The following CORO1B variants were observed in gnomAD, a reference collection of about 807,000 sequenced individuals.
CORO1B encodes the protein coronin 1B.
Under a neutral mutation model 51.1 loss-of-function variants are expected in CORO1B, and 30 were observed. The ratio of observed to expected loss-of-function variants is 0.59; its 90% CI spans 0.44 to 0.80. The LOEUF (loss-of-function observed/expected upper bound fraction) is 0.80. CORO1B is among the 30% of genes least tolerant of loss of function. CORO1B has a pLI of 0.00. For synonymous variants in CORO1B, 310 were observed against 289.7 expected (o/e 1.07, Z -0.71); for missense variants, 648 against 700.4 (o/e 0.93, Z 0.84).
At position 67,440,275 on chromosome 11, in the gene CORO1B, G is replaced by C; in HGVS notation, c.862-12C>G. ...ATGCTGGAGTCACCCTGTGTGGGGA[G>C]GGGGCTCAGCACCTGGGCACGCCTC... On this transcript the variant is annotated splice_polypyrimidine_tract_variant and intron_variant, in intron 7 of 10. Coordinates refer to ENST00000341356, the MANE Select transcript of CORO1B (RefSeq NM_020441.3). 2 of 1,612,980 alleles carry C rather than the reference G, an allele frequency of 1.2e-6. No individual in the cohort carries two copies. Among genetic ancestry groups the C allele is most frequent in the South Asian group, 1.1e-5 (1 of 91,062 alleles).
rs778606005 is a variant in CORO1B, at chr11:67,438,691, C to T, written c.1324G>A (p.Gly442Ser). The change falls in exon 10 of 11, where the codon GGC (glycine) becomes AGC (serine). Residue 442 changes from glycine (G) to serine (S), a missense_variant. Transcript: ENST00000341356. ...TTTAADATPSGSLARAGEAGK... is the reference protein window; with the variant it reads ...TTTAADATPSSSLARAGEAGK... The stretch of plus-strand genomic sequence containing the variant: ...CATACCCCGGCTCTGGCCAGGCTGC[C>T]GCTGGGGGTGGCATCAGCAGCAGTG... 68 of 1,544,200 alleles carry T rather than the reference C, an allele frequency of 4.4e-5. No individual in the cohort carries two copies. Among genetic ancestry groups the T allele is most frequent in the Admixed American group, 7.7e-5 (4 of 51,676 alleles).
chr11:67,436,915 G>A lies in CORO1B; in HGVS notation c.*1461C>T, dbSNP rs934645293. The A allele has an allele frequency of 1.3e-5, 2 of 151,764 alleles. No individual in the cohort carries two copies. The highest frequency in any genetic ancestry group is 2.4e-5 in the African/African-American group (1 of 41,336). The allele number at this position is 151,764 out of a possible 1,614,324, so 9.4% of individuals were successfully genotyped here. A position where few individuals can be genotyped will look rare whatever the true frequency, so the allele number is the denominator to read the frequency against. ...AAGCATGTTAGTAGGTGCTCAATAA[G>A]TATGGATTAAATGTGTCTAGGCTGC... On this transcript the variant is annotated 3_prime_UTR_variant, in exon 11 of 11. Transcript: ENST00000341356.
Position 67,436,570 on chromosome 11 carries a change from A to C in CORO1B, c.*1806T>G. The C allele has an allele frequency of 2.2e-6, 1 of 460,768 alleles. No individual in the cohort carries two copies. The highest frequency in any genetic ancestry group is 3.7e-6 in the Non-Finnish European group (1 of 271,792). 28.5% of individuals were successfully genotyped at this position (460,768 alleles called of 1,614,324 possible). On this transcript the variant is annotated 3_prime_UTR_variant, in exon 11 of 11. Transcript: ENST00000341356. Reference sequence around the variant, plus strand: ...TCCTCCCTACCACTCACCTCCCCCAACAGCTGCATTAAGCCACCTGCCTGG... The same window carrying C: ...TCCTCCCTACCACTCACCTCCCCCACCAGCTGCATTAAGCCACCTGCCTGG...
chr11:67,438,353 GA>G lies in CORO1B; in HGVS notation c.*22del. The G allele has an allele frequency of 6.3e-7, 1 of 1,582,868 alleles. No individual in the cohort carries two copies. ...GTGGGAAGGGGGCGGCGGAGGAGATGAAGGTGGCGTGTGGCTGTGGCCCTAC... is the reference window on the plus strand; with the variant it reads ...GTGGGAAGGGGGCGGCGGAGGAGATGAGGTGGCGTGTGGCTGTGGCCCTAC... On this transcript the variant is annotated 3_prime_UTR_variant, in exon 11 of 11. Transcript: ENST00000341356.
At position 67,436,640 on chromosome 11, in the gene CORO1B, C is replaced by T; in HGVS notation, c.*1736G>A. On this transcript the variant is annotated 3_prime_UTR_variant, in exon 11 of 11. Coordinates refer to ENST00000341356, the MANE Select transcript of CORO1B (RefSeq NM_020441.3). ...CCCTCTGCCCGGAAAGCTCCACCTC[C>T]TCCCATCCTCCCCTCCCCCGGGCTG... 3 of 348,882 alleles carry T rather than the reference C, an allele frequency of 8.6e-6. No homozygotes were observed. The highest frequency in any genetic ancestry group is 2.1e-5 in the African/African-American group (1 of 47,234). The allele number at this position is 348,882 out of a possible 1,614,324, so 21.6% of individuals were successfully genotyped here. A position where few individuals can be genotyped will look rare whatever the true frequency, so the allele number is the denominator to read the frequency against.
chr11:67,441,010 C>A (rs1257426915), intron 6 of CORO1B, 115 bp downstream of exon 6: 2 of 1,517,750 alleles, frequency 1.3e-6, no homozygotes, highest in South Asian at 2.3e-5. Context: ...CCCTGAGAGC[C>A]TCAAGTTCCA....
In CORO1B at chr11:67,442,490, A is replaced by G. The variant is rs752433665; in HGVS notation, c.139T>C (p.Phe47Leu). 3.1e-6 allele frequency: 5 copies of G among 1,613,630 alleles called. No individual in the cohort carries two copies. The South Asian group carries it at 5.5e-5, about 18-fold the overall frequency. Residue 47 changes from phenylalanine to leucine, a missense_variant, in exon 2 of 11, where the codon TTC becomes CTC. By Grantham distance (22) the Phe-to-Leu change is conservative. Coordinates refer to ENST00000341356, the MANE Select transcript of CORO1B (RefSeq NM_020441.3). ...CTGGCCTCCACAATCACCGCCAGGA[A>G]CTTGGGGTTGACGGCGCAGAAGGTG... is the stretch of plus-strand genomic sequence containing the variant. The part of the protein sequence containing the change: ...DSTFCAVNPK[F>L]LAVIVEASGG...
chr11:67,443,010 T>G (rs1259790930), intron 1 of CORO1B, among the ~76,000 whole-genome samples: 1 of 152,030 alleles, frequency 6.6e-6, no homozygotes, highest in Admixed American at 6.5e-5. Context: ...CCCAGAGATT[T>G]GGAGGCTAGG....
chr11:67,436,763 C>T lies in CORO1B; in HGVS notation c.*1613G>A, dbSNP rs760802197. On this transcript the variant is annotated 3_prime_UTR_variant, in exon 11 of 11. Transcript: ENST00000341356. ...TATCACTGCAGCCCACCCCAGCACCCCCCAGCACTCAGTGCCTTTTTCCTT... is the reference window on the plus strand; with the variant it reads ...TATCACTGCAGCCCACCCCAGCACCTCCCAGCACTCAGTGCCTTTTTCCTT... The T allele has an allele frequency of 2.7e-5, 5 of 184,454 alleles. No individual in the cohort carries two copies. Among genetic ancestry groups the T allele is most frequent in the East Asian group, 2.8e-4 (2 of 7,226 alleles). The allele number at this position is 184,454 out of a possible 1,614,324, so 11.4% of individuals were successfully genotyped here.
chr11:67,440,248 G>A lies in CORO1B; in HGVS notation c.877C>T (p.Arg293Trp), dbSNP rs757859517. 11 of 1,613,606 alleles carry A rather than the reference G, an allele frequency of 6.8e-6. No individual in the cohort carries two copies. The highest frequency in any genetic ancestry group is 1.1e-5 in the South Asian group (1 of 91,086). The change falls in exon 8 of 11, where the codon CGG becomes TGG. Residue 293 changes from arginine (R) to tryptophan (W), a missense_variant. Transcript: ENST00000341356. ...YVCGKGDSSIRYFEITEEPPY... is the reference protein window; with the variant it reads ...YVCGKGDSSIWYFEITEEPPY... ...GGCTCCTCTGTGATCTCAAAGTACC[G>A]GATGCTGGAGTCACCCTGTGTGGGG... is the stretch of plus-strand genomic sequence containing the variant.
chr11:67,439,880 A>ACCCCCCCCCCCCCCC, intron 8 of CORO1B, 37 bp from the exon 9 acceptor site: 1 of 1,543,318 alleles, frequency 6.5e-7, no homozygotes, highest in Non-Finnish European at 8.8e-7. Flanking sequence ...TGGAACCCTC[A>ACCCCCCCCCCCCCCC]CCGCCCCCCC....
chr11:67,441,710 A>G, intron 4 of CORO1B, 23 bp downstream of exon 4: 2 of 1,369,304 alleles, frequency 1.5e-6, no homozygotes, highest in Non-Finnish European at 2.0e-6. Context: ...GGGGGGGAGC[A>G]CAAAACGGGG....
rs746785638 is a variant in CORO1B at position 67,441,482 on chromosome 11, C to T, written c.487G>A (p.Gly163Ser). The change falls in exon 5 of 11, where the codon GGC becomes AGC. Residue 163 changes from glycine to serine, a missense_variant. Transcript: ENST00000341356. ...CDNVVLIWNV[G>S]TAEELYRLDS... ...AGGCGGTACAGCTCCTCCGCTGTGCCCACATTCCAGATGAGTACCACGTTG... is the reference window on the plus strand; with the variant it reads ...AGGCGGTACAGCTCCTCCGCTGTGCTCACATTCCAGATGAGTACCACGTTG... 8 of 1,613,594 alleles carry T rather than the reference C, an allele frequency of 5.0e-6. No individual in the cohort carries two copies. Among genetic ancestry groups the T allele is most frequent in the African/African-American group, 2.7e-5 (2 of 74,940 alleles).
rs1286802425 is a variant in CORO1B, at chr11:67,435,927, C to A, written c.*2449G>T. On this transcript the variant is annotated 3_prime_UTR_variant, in exon 11 of 11. Coordinates refer to ENST00000341356, the MANE Select transcript of CORO1B (RefSeq NM_020441.3). The stretch of plus-strand genomic sequence containing the variant: ...CTGGCTTCCTCAGCCCGCACGGGGA[C>A]CTGCTCTGGGCTGGACGCCTCTCCA... 6.2e-7 allele frequency: 1 copy of A among 1,613,220 alleles called. No individual in the cohort carries two copies. Among genetic ancestry groups the A allele is most frequent in the East Asian group, 2.2e-5 (1 of 44,884 alleles).
At chr11:67,441,078 G>C (rs755199025) in intron 6 of CORO1B, 47 bp downstream of exon 6, 1 of 1,612,404 alleles carries the variant, frequency 6.2e-7, no homozygotes, top group Non-Finnish European at 8.5e-7. Context: ...GCCTGGCCCA[G>C]GGTGGGGCCC....
At chr11:67,442,156 G>C in intron 2 of CORO1B, 68 bp from the exon 3 acceptor site, 1 of 1,584,086 alleles carries the variant, frequency 6.3e-7, no homozygotes, top group East Asian at 2.3e-5. Flanking sequence ...CCTCCATGGA[G>C]TGGGAATGAC....
chr11:67,442,284 G>T, intron 2 of CORO1B, 144 bp downstream of exon 2: 1 of 1,220,428 alleles, frequency 8.2e-7, no homozygotes, highest in Non-Finnish European at 1.2e-6. Flanking sequence ...TTCCATCTGT[G>T]CTAACACTTG....
chr11:67,443,618 C>G (rs952615637), upstream of CORO1B: 19 of 724,860 alleles, frequency 2.6e-5, no homozygotes, highest in Non-Finnish European at 2.9e-5. Context: ...CCGCCGGGGA[C>G]GGGGCCAGAG....
At chr11:67,442,392 G>A in intron 2 of CORO1B, 36 bp downstream of exon 2, 3 of 1,602,600 alleles carry the variant, frequency 1.9e-6, no homozygotes, top group Non-Finnish European at 2.6e-6. Flanking sequence ...GGGTGGCCGA[G>A]GTGCCTCCTC....
Sources: gnomAD v4.1 joint callset for allele counts (sites outside exome capture counted in the v4.1 genomes callset) on GRCh38, gnomAD v4.1.1 for gene constraint, MANE v1.5 for transcripts, NCBI Gene and HGNC (gene_info 2026-07-23, HGNC 2026-07-21) for gene names.